Variants in ZAR1 observed in about 807,000 individuals in gnomAD.
ZAR1 encodes the protein zygote arrest 1, also known as zygote arrest protein 1.
In ZAR1, 37 loss-of-function variants were observed where a neutral mutation model predicts 38.3. That is an observed-to-expected ratio of 0.97 (90% CI 0.74 to 1.27). The LOEUF is 1.27. Among genes scored for constraint, ZAR1 ranks in the 50% most tolerant of loss-of-function variants. ZAR1 has a pLI of 0.00. For missense variants in ZAR1, 651 were observed against 632.4 expected, an observed-to-expected ratio of 1.03 and a Z score of -0.32; for synonymous variants, 336 against 292.0, an observed-to-expected ratio of 1.15 and a Z score of -1.53.
downstream of ZAR1, among the ~76,000 whole-genome samples, chr4:48,496,807 A>G (rs541077247): frequency 1.6e-4 from 25 of 152,368 alleles, no homozygotes; most frequent in Admixed American, 1.6e-3. Flanking sequence ...ACCATGGATT[A>G]CTTTGAAAAA....
At chr4:48,495,952 G>A (rs962873028), downstream of ZAR1, among the ~76,000 whole-genome samples, 4 of 152,106 alleles carry the variant, frequency 2.6e-5, no homozygotes, top group Admixed American at 2.6e-4. Context: ...CCTTCATTAG[G>A]AGGATGGTCT....
chr4:48,495,093 T>C (rs1718549510), downstream of ZAR1, among the ~76,000 whole-genome samples: 1 of 151,500 alleles, frequency 6.6e-6, no homozygotes, highest in African/African-American at 2.4e-5. Context: ...GTGTAGGCCT[T>C]AGCTTTTGTC....
At chr4:48,495,959 GTC>G (rs1293014202), downstream of ZAR1, among the ~76,000 whole-genome samples, 3 of 152,092 alleles carry the variant, frequency 2.0e-5, no homozygotes, top group Non-Finnish European at 4.4e-5. Context: ...TAGGAGGATG[GTC>G]TCTACTGGAG....
At chr4:48,492,000 TATTCC>T (rs1210592592) in intron 1 of ZAR1, among the ~76,000 whole-genome samples, 4 of 152,148 alleles carry the variant, frequency 2.6e-5, no homozygotes, top group African/African-American at 9.7e-5. Context: ...CACAGGCTGG[TATTCC>T]TTTTGAGGGG....
chr4:48,494,044 C>T, intron 3 of ZAR1, 57 bp from the exon 4 acceptor site: 1 of 1,578,276 alleles, frequency 6.3e-7, no homozygotes, highest in Non-Finnish European at 8.6e-7. Flanking sequence ...TGTTGAAGTC[C>T]TAGGAAATCA....
Position 48,494,121 on chromosome 4 carries a change from T to C in ZAR1, c.1152T>C (p.Cys384=). ...CCCAGAGTTGTAAACAAACGAGATG[T>C]TCCTGCCCAGTAAAACTTCGCCACG... is the stretch of plus-strand genomic sequence containing the variant. ...ITCQSCKQTR[C]SCPVKLRHVD... Residue 384 remains cysteine (C), a synonymous_variant, in exon 4 of 4, where the codon TGT becomes TGC. Transcript: ENST00000327939. 1 of 1,614,112 alleles carries C rather than the reference T, an allele frequency of 6.2e-7. No homozygotes were observed. Among genetic ancestry groups the C allele is most frequent in the South Asian group, 1.1e-5 (1 of 91,088 alleles).
rs770319377 is a variant in ZAR1, at chr4:48,494,286, G to C, written c.*42G>C. 1 of 1,602,952 alleles carries C rather than the reference G, an allele frequency of 6.2e-7. No individual in the cohort carries two copies. The highest frequency in any genetic ancestry group is 8.5e-7 in the Non-Finnish European group (1 of 1,172,130). ...CTGTGCATGCGCTGATGGAGTAGAC[G>C]AGTGAGCTTTTCCGTGCCTCTCCTC... is the stretch of plus-strand genomic sequence containing the variant. On this transcript the variant is annotated 3_prime_UTR_variant, in exon 4 of 4. Transcript: ENST00000327939.
chr4:48,494,017 TGAATG>T (rs1189630839), intron 3 of ZAR1, 79 bp from the exon 4 acceptor site: 1 of 1,513,070 alleles, frequency 6.6e-7, no homozygotes, highest in African/African-American at 1.4e-5. Flanking sequence ...ATTAAGTACT[TGAATG>T]GACTAGAAAA....
At chr4:48,493,406 AGTTT>A (rs574418533) in intron 3 of ZAR1, among the ~76,000 whole-genome samples, 378 of 152,260 alleles carry the variant, frequency 2.5e-3, no homozygotes, top group Non-Finnish European at 3.1e-3. Flanking sequence ...ACAGGGGGTT[AGTTT>A]GTCTTGCCTG....
chr4:48,491,588 AGT>A (rs1041327187), intron 1 of ZAR1, among the ~76,000 whole-genome samples: 1 of 152,224 alleles, frequency 6.6e-6, no homozygotes, highest in African/African-American at 2.4e-5. Context: ...ATTACCTATC[AGT>A]AGGCACAACT....
At position 48,494,318 on chromosome 4, in the gene ZAR1, T is replaced by G. The variant is rs1718526368; in HGVS notation, c.*74T>G. On this transcript the variant is annotated 3_prime_UTR_variant, in exon 4 of 4. Coordinates refer to ENST00000327939, the MANE Select transcript of ZAR1 (RefSeq NM_175619.3). Reference sequence around the variant, plus strand: ...CTTTTCCGTGCCTCTCCTCCACCTCTCCCTTCTCAAAATACTTCATGAAAG... The same window carrying G: ...CTTTTCCGTGCCTCTCCTCCACCTCGCCCTTCTCAAAATACTTCATGAAAG... The G allele has an allele frequency of 1.5e-5, 24 of 1,566,376 alleles. No homozygotes were observed. The highest frequency in any genetic ancestry group is 2.0e-5 in the Non-Finnish European group (23 of 1,147,616).
rs1014184100 is a variant in ZAR1 at position 48,492,660 on chromosome 4, G to C, written c.964-106G>C. On this transcript the variant is annotated intron_variant, in intron 1 of 3. Coordinates refer to ENST00000327939, the MANE Select transcript of ZAR1 (RefSeq NM_175619.3). Reference sequence around the variant, plus strand: ...CCAAACCTGACCTGCTTTCTTTCATGATCTGAAGTTGCCAATTTCAAATAT... The same window carrying C: ...CCAAACCTGACCTGCTTTCTTTCATCATCTGAAGTTGCCAATTTCAAATAT... 10 of 1,086,486 alleles carry C rather than the reference G, an allele frequency of 9.2e-6. No homozygotes were observed. In the African/African-American group the frequency reaches 1.2e-4, roughly 13 times the overall value. 67.3% of individuals were successfully genotyped at this position (1,086,486 alleles called of 1,614,324 possible). A position where few individuals can be genotyped will look rare whatever the true frequency, so the allele number is the denominator to read the frequency against.
rs1177920014 is a variant in ZAR1, at chr4:48,490,597, C to T, written c.306C>T (p.Gly102=). The change falls in exon 1 of 4, where the codon GGC becomes GGT. Residue 102 remains glycine (G), a synonymous_variant. Coordinates refer to ENST00000327939, the MANE Select transcript of ZAR1 (RefSeq NM_175619.3). ...PGLGPRARRA[G]SCDVAVQVSP... Reference sequence around the variant, plus strand: ...TCGGGCCGCGCGCCCGCAGGGCCGGCAGCTGCGACGTGGCGGTGCAGGTGA... The same window carrying T: ...TCGGGCCGCGCGCCCGCAGGGCCGGTAGCTGCGACGTGGCGGTGCAGGTGA... The T allele has an allele frequency of 4.4e-6, 6 of 1,379,180 alleles. No homozygotes were observed. Among genetic ancestry groups the T allele is most frequent in the Non-Finnish European group, 5.6e-6 (6 of 1,077,284 alleles). The allele number at this position is 1,379,180 out of a possible 1,614,324, so 85.4% of individuals were successfully genotyped here.
chr4:48,494,527 G>A, downstream of ZAR1: 1 of 371,688 alleles, frequency 2.7e-6, no homozygotes, highest in Non-Finnish European at 4.9e-6. Context: ...GAGTTAGGCT[G>A]CAGCCACTTG....
In ZAR1 at chr4:48,490,849, C is replaced by T. The variant is rs775688984; in HGVS notation, c.558C>T (p.Ala186=). The T allele has an allele frequency of 1.3e-5, 19 of 1,480,312 alleles. No individual in the cohort carries two copies. The highest frequency in any genetic ancestry group is 5.2e-5 in the South Asian group (4 of 77,230). 91.7% of individuals were successfully genotyped at this position (1,480,312 alleles called of 1,614,324 possible). A position where few individuals can be genotyped will look rare whatever the true frequency, so the allele number is the denominator to read the frequency against. Residue 186 remains alanine, a synonymous_variant, in exon 1 of 4, where the codon GCC becomes GCT. Transcript: ENST00000327939. The part of the protein sequence containing the change: ...PRTVAVYSPL[A]LRRLTAFLEG... The stretch of plus-strand genomic sequence containing the variant: ...CCGTCGCCGTGTACTCGCCCCTGGC[C>T]TTGCGCCGTCTCACCGCCTTCCTGG...
chr4:48,491,407 A>C (rs1718439439), intron 1 of ZAR1, among the ~76,000 whole-genome samples, 153 bp downstream of exon 1: 1 of 152,212 alleles, frequency 6.6e-6, no homozygotes, highest in Admixed American at 6.5e-5. Context: ...TGACCGCGAT[A>C]GGTGTCTTCC....
chr4:48,490,335 C>T lies in ZAR1; in HGVS notation c.44C>T (p.Pro15Leu), dbSNP rs1560481828. Residue 15 changes from proline (P) to leucine (L), a missense_variant, in exon 1 of 4, where the codon CCG becomes CTG. By Grantham distance (98) the Pro-to-Leu change is moderately conservative. Transcript: ENST00000327939. ...GDEVLDGYVF[P>L]ACPPCSYRYP... ...GAGGTGCTGGACGGTTACGTGTTCC[C>T]GGCGTGCCCCCCCTGCTCGTACCGG... is the stretch of plus-strand genomic sequence containing the variant. 1.7e-5 allele frequency: 25 copies of T among 1,513,756 alleles called. No homozygotes were observed. The highest frequency in any genetic ancestry group is 2.1e-5 in the Non-Finnish European group (24 of 1,137,124). 93.8% of individuals were successfully genotyped at this position (1,513,756 alleles called of 1,614,324 possible). A position where few individuals can be genotyped will look rare whatever the true frequency, so the allele number is the denominator to read the frequency against.
chr4:48,497,318 G>C (rs1250017967), downstream of ZAR1: 1 of 152,170 alleles, frequency 6.6e-6, no homozygotes, highest in African/African-American at 2.4e-5. Context: ...GGAGGAAAAT[G>C]CTGTTGCAGA....
chr4:48,492,533 A>C (rs1160064330), intron 1 of ZAR1, among the ~76,000 whole-genome samples: 1 of 152,228 alleles, frequency 6.6e-6, no homozygotes, highest in East Asian at 1.9e-4. Context: ...AGCCAGCCTT[A>C]TGAACTGAGT....
Sources: gnomAD v4.1 joint callset for allele counts (sites outside exome capture counted in the v4.1 genomes callset) on GRCh38, gnomAD v4.1.1 for gene constraint, MANE v1.5 for transcripts, NCBI Gene and HGNC (gene_info 2026-07-23, HGNC 2026-07-21) for gene names.